Variants in FXYD7 observed in about 807,000 individuals in gnomAD.
FXYD7 encodes FXYD domain containing ion transport regulator 7, also known as FXYD domain-containing ion transport regulator 7.
Under a neutral mutation model 15.3 loss-of-function variants are expected in FXYD7, and 7 were observed. That is an observed-to-expected ratio of 0.46 (90% confidence interval 0.26 to 0.86). The LOEUF is 0.86. FXYD7 is among the 40% of genes least tolerant of loss of function. The probability of loss-of-function intolerance (pLI) is 0.16; values close to 1 mark genes in which losing one functional copy is unlikely to be tolerated. For synonymous variants in FXYD7, 39 were observed against 39.3 expected, an observed-to-expected ratio of 0.99 and a Z score of 0.03; for missense variants, 78 against 100.6, an observed-to-expected ratio of 0.78 and a Z score of 0.96.
At position 35,151,375 on chromosome 19, in the gene FXYD7, C is replaced by A. The variant is rs757853275; in HGVS notation, c.136+47C>A. On this transcript the variant is annotated intron_variant, in intron 3 of 5. Coordinates refer to ENST00000270310, the MANE Select transcript of FXYD7 (RefSeq NM_022006.2). ...GCTGCCTCAGCCTCCGCTTCCTCTG[C>A]TGGCTTTCATCCATATCCTACCCGC... 1.9e-6 allele frequency: 3 copies of A among 1,599,058 alleles called. No homozygotes were observed. The African/African-American group carries it at 4.0e-5, about 21-fold the overall frequency.
chr19:35,147,934 A>C (rs2145396003), intron 1 of FXYD7, among the ~76,000 whole-genome samples: 1 of 151,684 alleles, frequency 6.6e-6, no homozygotes, highest in Non-Finnish European at 1.5e-5. Context: ...TGGAGGTTGT[A>C]GTGAGCTGAG....
chr19:35,152,972 GA>G (rs2065318729), intron 5 of FXYD7, among the ~76,000 whole-genome samples: 1 of 146,814 alleles, frequency 6.8e-6, no homozygotes, highest in Non-Finnish European at 1.5e-5. Flanking sequence ...AAAAATGCGG[GA>G]GGGGGACACG....
chr19:35,153,949 G>T lies in FXYD7; in HGVS notation c.*33G>T. 2 of 1,607,166 alleles carry T rather than the reference G, an allele frequency of 1.2e-6. No individual in the cohort carries two copies. The highest frequency in any genetic ancestry group is 1.7e-6 in the Non-Finnish European group (2 of 1,176,294). On this transcript the variant is annotated 3_prime_UTR_variant, in exon 6 of 6. Transcript: ENST00000270310. ...CCGAGGAAACTCCGCTGCCGACCCT[G>T]CCTGAGCGCGGGAGCCTGAGGACCG... is the stretch of plus-strand genomic sequence containing the variant.
chr19:35,144,183 G>A (rs1407473054), intron 1 of FXYD7, among the ~76,000 whole-genome samples: 1 of 152,050 alleles, frequency 6.6e-6, no homozygotes, highest in Non-Finnish European at 1.5e-5. Context: ...AGGGAGCCAT[G>A]TGGGGTGGGG....
intron 5 of FXYD7, 137 bp downstream of exon 5, chr19:35,151,810 T>C (rs2065311597): frequency 1.4e-6 from 1 of 727,706 alleles, no homozygotes; most frequent in South Asian, 1.5e-5. Flanking sequence ...CACAGGACAA[T>C]TCCCTAGGAA....
At chr19:35,148,897 T>TG (rs1285466173) in intron 2 of FXYD7, 174 bp downstream of exon 2, 1 of 741,372 alleles carries the variant, frequency 1.3e-6, no homozygotes, top group Non-Finnish European at 2.5e-6. Context: ...CAGAACCAGA[T>TG]GGGGGAGTGG....
At chr19:35,144,616 C>G (rs2065282067) in intron 1 of FXYD7, among the ~76,000 whole-genome samples, 1 of 147,758 alleles carries the variant, frequency 6.8e-6, no homozygotes, top group Non-Finnish European at 1.5e-5. Context: ...TGCACTGAGC[C>G]ATATCTGCAG....
At chr19:35,147,115 G>A (rs1382198745) in intron 1 of FXYD7, among the ~76,000 whole-genome samples, 1 of 152,196 alleles carries the variant, frequency 6.6e-6, no homozygotes, top group Non-Finnish European at 1.5e-5. Context: ...TGAACATTCA[G>A]GCCACCAGGC....
rs1216537322 is a variant in FXYD7 at position 35,143,319 on chromosome 19, C to G, written c.-15C>G. 2 of 1,537,772 alleles carry G rather than the reference C, an allele frequency of 1.3e-6. No homozygotes were observed. Among genetic ancestry groups the G allele is most frequent in the Non-Finnish European group, 8.8e-7 (1 of 1,141,774 alleles). On this transcript the variant is annotated 5_prime_UTR_variant, in exon 1 of 6. Coordinates refer to ENST00000270310, the MANE Select transcript of FXYD7 (RefSeq NM_022006.2). The surrounding 1 kb of genome is among the most constrained non-coding windows in gnomAD (Gnocchi z 4.3). Reference sequence around the variant, plus strand: ...CGCCGCCAAAGCATCCAGCAGCCCCCTGCTCCGGCCCAGCATGGCGACCCC... The same window carrying G: ...CGCCGCCAAAGCATCCAGCAGCCCCGTGCTCCGGCCCAGCATGGCGACCCC...
chr19:35,154,170 C>T lies in FXYD7; in HGVS notation c.*254C>T, dbSNP rs921459131. 11 of 540,860 alleles carry T rather than the reference C, an allele frequency of 2.0e-5. No homozygotes were observed. Among genetic ancestry groups the T allele is most frequent in the Non-Finnish European group, 3.3e-5 (10 of 306,128 alleles). 33.5% of individuals were successfully genotyped at this position (540,860 alleles called of 1,614,324 possible). A position where few individuals can be genotyped will look rare whatever the true frequency, so the allele number is the denominator to read the frequency against. On this transcript the variant is annotated 3_prime_UTR_variant, in exon 6 of 6. Coordinates refer to ENST00000270310, the MANE Select transcript of FXYD7 (RefSeq NM_022006.2). The stretch of plus-strand genomic sequence containing the variant: ...GCTCCTGGGATCCGGGAGTCCATCC[C>T]GGCCCAGCACCCCCAGCATCCCCGT...
At chr19:35,151,767 A>AG in intron 5 of FXYD7, 94 bp downstream of exon 5, 1 of 513,194 alleles carries the variant, frequency 1.9e-6, no homozygotes, top group Admixed American at 2.2e-5. Flanking sequence ...GACTGGACGC[A>AG]GGGGGCGGAG....
At chr19:35,149,970 G>T (rs2145397800) in intron 2 of FXYD7, among the ~76,000 whole-genome samples, 1 of 152,056 alleles carries the variant, frequency 6.6e-6, no homozygotes, top group East Asian at 1.9e-4. Context: ...AGGCTGGAGT[G>T]CAGTAGCACA....
intron 2 of FXYD7, among the ~76,000 whole-genome samples, chr19:35,150,409 GAC>G (rs1357550098): frequency 2.0e-5 from 3 of 152,028 alleles, no homozygotes; most frequent in African/African-American, 7.2e-5. Context: ...TAAAAAAAAA[GAC>G]AAGAATATTA....
In FXYD7 at chr19:35,152,974, G is replaced by T. The variant is rs376915036; in HGVS notation, c.221-920G>T. On this transcript the variant is annotated intron_variant, in intron 5 of 5. Coordinates refer to ENST00000270310, the MANE Select transcript of FXYD7 (RefSeq NM_022006.2). ...AAAAAAAAAAAAAAAAAATGCGGGA[G>T]GGGGACACGGGTTATTCAATGGTTG... Among the ~76,000 whole-genome samples, 131 of 142,666 alleles carry T rather than the reference G, an allele frequency of 9.2e-4. 3 individuals carry two copies. The South Asian group carries it at 0.016, about 18-fold the overall frequency. The allele number at this position is 142,666 out of a possible 152,430, so 93.6% of individuals were successfully genotyped here.
At chr19:35,145,930 G>A (rs1230562000) in intron 1 of FXYD7, among the ~76,000 whole-genome samples, 4 of 150,480 alleles carry the variant, frequency 2.7e-5, no homozygotes, top group Admixed American at 2.7e-4. Context: ...AGGCACTTCT[G>A]CTACACCCAG....
intron 5 of FXYD7, among the ~76,000 whole-genome samples, chr19:35,153,086 C>G (rs2065321437): frequency 9.9e-6 from 1 of 101,032 alleles, no homozygotes; most frequent in Admixed American, 1.6e-4. Flanking sequence ...GCTGTGTCCT[C>G]TGTTGCCCAG....
chr19:35,152,362 G>C (rs1343701338), intron 5 of FXYD7, among the ~76,000 whole-genome samples: 1 of 151,914 alleles, frequency 6.6e-6, no homozygotes, highest in African/African-American at 2.4e-5. Context: ...CATGTGGGAG[G>C]AGCTCTGTCA....
In FXYD7 at chr19:35,153,949, G is replaced by A. The variant is rs1347324172; in HGVS notation, c.*33G>A. 12 of 1,607,050 alleles carry A rather than the reference G, an allele frequency of 7.5e-6. No homozygotes were observed. Among genetic ancestry groups the A allele is most frequent in the African/African-American group, 1.3e-5 (1 of 74,688 alleles). ...CCGAGGAAACTCCGCTGCCGACCCT[G>A]CCTGAGCGCGGGAGCCTGAGGACCG... On this transcript the variant is annotated 3_prime_UTR_variant, in exon 6 of 6. Coordinates refer to ENST00000270310, the MANE Select transcript of FXYD7 (RefSeq NM_022006.2).
At position 35,153,951 on chromosome 19, in the gene FXYD7, CT is replaced by C; in HGVS notation, c.*36del. The C allele has an allele frequency of 1.2e-6, 2 of 1,606,780 alleles. No individual in the cohort carries two copies. The highest frequency in any genetic ancestry group is 1.9e-4 in the Middle Eastern group (1 of 5,330). ...GAGGAAACTCCGCTGCCGACCCTGC[CT>C]GAGCGCGGGAGCCTGAGGACCGGGT... On this transcript the variant is annotated 3_prime_UTR_variant, in exon 6 of 6. Coordinates refer to ENST00000270310, the MANE Select transcript of FXYD7 (RefSeq NM_022006.2).
Sources: allele counts gnomAD v4.1 joint callset (sites outside exome capture counted in the v4.1 genomes callset), GRCh38; gene constraint gnomAD v4.1.1; non-coding constraint Gnocchi (gnomAD v3.1); transcripts MANE v1.5; gene names NCBI Gene and HGNC (gene_info 2026-07-23, HGNC 2026-07-21).